MSTO1: variants seen among roughly 807,000 people sequenced by gnomAD.
MSTO1 encodes misato mitochondrial distribution and morphology regulator 1.
MSTO1 carries 24 observed loss-of-function variants against 55.7 expected under a neutral mutation model. The ratio of observed to expected loss-of-function variants is 0.43; its 90% confidence interval spans 0.31 to 0.61. The LOEUF (loss-of-function observed/expected upper bound fraction) is 0.61. MSTO1 is among the 20% of genes least tolerant of loss of function. The pLI, the probability that MSTO1 is intolerant of heterozygous loss-of-function variation, is 0.09. For missense variants in MSTO1, 363 were observed against 625.7 expected (o/e 0.58, Z 4.48); for synonymous variants, 162 against 252.8 (o/e 0.64, Z 3.41).
At chr1:155,587,915 C>T in the MSTO1 span, among the ~76,000 whole-genome samples, 1 of 150,948 alleles carries the variant, frequency 6.6e-6, no homozygotes, top group Non-Finnish European at 1.5e-5. Context: ...AAAATAACAA[C>T]TAGTTGCCAG....
In MSTO1 at chr1:155,612,975, G is replaced by A; in HGVS notation, c.1098G>A (p.Lys366=). 6.2e-7 allele frequency: 1 copy of A among 1,613,948 alleles called. No homozygotes were observed. The highest frequency in any genetic ancestry group is 8.5e-7 in the Non-Finnish European group (1 of 1,179,860). The change falls in exon 10 of 14, where the codon AAG becomes AAA. Residue 366 remains lysine (K), a splice_region_variant and synonymous_variant. Transcript: ENST00000245564. Reference sequence around the variant, plus strand: ...ACATGCTGAGCTTCTGTGGGAAAAAGGTATGAAGCTTTGTAAGGGGTTGGG... The same window carrying A: ...ACATGCTGAGCTTCTGTGGGAAAAAAGTATGAAGCTTTGTAAGGGGTTGGG... The part of the protein sequence containing the change: ...LADMLSFCGK[K]VVTAGAIIPF...
chr1:155,600,901 C>T, the MSTO1 span, among the ~76,000 whole-genome samples: 1 of 150,718 alleles, frequency 6.6e-6, no homozygotes, highest in Non-Finnish European at 1.5e-5. Context: ...TGGTCTCGAT[C>T]TCCTGATCTC....
chr1:155,574,638 C>T, the MSTO1 span, among the ~76,000 whole-genome samples: 1 of 152,136 alleles, frequency 6.6e-6, no homozygotes, highest in Non-Finnish European at 1.5e-5. Context: ...GCAATCCTAG[C>T]TCACTGCAAC....
At chr1:155,576,113 C>T in the MSTO1 span, among the ~76,000 whole-genome samples, 33 of 151,556 alleles carry the variant, frequency 2.2e-4, no homozygotes, top group Non-Finnish European at 4.1e-4. Flanking sequence ...TGAGCCACCC[C>T]GCCAGGCCCC....
At chr1:155,575,106 A>T in the MSTO1 span, among the ~76,000 whole-genome samples, 2 of 151,548 alleles carry the variant, frequency 1.3e-5, no homozygotes, top group African/African-American at 4.8e-5. Flanking sequence ...ACCTCGGGTG[A>T]TTCACTCGCC....
At chr1:155,600,041 G>C in the MSTO1 span, among the ~76,000 whole-genome samples, 1 of 152,192 alleles carries the variant, frequency 6.6e-6, no homozygotes, top group Non-Finnish European at 1.5e-5. Flanking sequence ...AACTGCAAGA[G>C]GCATGCCTTC....
the MSTO1 span, among the ~76,000 whole-genome samples, chr1:155,602,958 A>G: frequency 6.6e-6 from 1 of 152,182 alleles, no homozygotes; most frequent in Non-Finnish European, 1.5e-5. Flanking sequence ...GATATAAAGC[A>G]GAGTCACCTA....
upstream of MSTO1, among the ~76,000 whole-genome samples, chr1:155,607,689 A>G (rs1015679006): frequency 1.3e-5 from 2 of 152,236 alleles, no homozygotes; most frequent in African/African-American, 4.8e-5. Context: ...GAAACTTTTC[A>G]GCCCACATCA....
chr1:155,593,088 A>G, the MSTO1 span, among the ~76,000 whole-genome samples: 1 of 151,610 alleles, frequency 6.6e-6, no homozygotes, highest in Non-Finnish European at 1.5e-5. Context: ...ATTTTTTTGT[A>G]TTTTTAGTAG....
chr1:155,563,277 C>G, the MSTO1 span: 2 of 456,186 alleles, frequency 4.4e-6, no homozygotes, highest in East Asian at 6.9e-5. Context: ...TGGAGCTGGT[C>G]GCAGGCGGTG....
chr1:155,574,936 G>A, the MSTO1 span, among the ~76,000 whole-genome samples: 4 of 143,978 alleles, frequency 2.8e-5, no homozygotes, highest in East Asian at 2.0e-4. Flanking sequence ...GCACTATTTC[G>A]GCTCACTGCA....
chr1:155,610,096 G>A (rs114746848), upstream of MSTO1: 4,878 of 738,238 alleles, frequency 6.6e-3, 38 homozygotes, highest in Non-Finnish European at 8.0e-3. Flanking sequence ...GAGGTAGGAA[G>A]GGATCGGCGC....
chr1:155,577,015 CAAAAAAA>C, the MSTO1 span, among the ~76,000 whole-genome samples: 48 of 34,658 alleles, frequency 1.4e-3, no homozygotes, highest in African/African-American at 4.4e-3. Context: ...AACTCCGTCT[CAAAAAAA>C]AAAAAAAAAA....
chr1:155,567,216 C>G, the MSTO1 span, among the ~76,000 whole-genome samples: 1 of 151,560 alleles, frequency 6.6e-6, no homozygotes, highest in Non-Finnish European at 1.5e-5. Flanking sequence ...CTCTGCCTCC[C>G]GGGTTCAAGT....
rs139011201 is a variant in MSTO1, at chr1:155,612,881, C to T, written c.1004C>T (p.Thr335Ile). 4 of 1,613,950 alleles carry T rather than the reference C, an allele frequency of 2.5e-6. No homozygotes were observed. In the East Asian group the frequency reaches 6.7e-5, roughly 27 times the overall value. ...LPFHCSAILA[T>I]ALDTVTVPYR... is the part of the protein sequence containing the mutation. ...TTCCACTGCAGTGCCATCCTGGCTACAGCCCTGGACACAGTCACTGTTCCT... is the reference window on the plus strand; with the variant it reads ...TTCCACTGCAGTGCCATCCTGGCTATAGCCCTGGACACAGTCACTGTTCCT... Residue 335 changes from threonine (T) to isoleucine (I), a missense_variant, in exon 10 of 14, where the codon ACA becomes ATA. Thr to Ile is a moderately conservative substitution (Grantham distance 89, BLOSUM62 -1). This residue lies in a region of MSTO1 where 231 missense variants were observed against 286.9 expected (regional missense o/e 0.81). Transcript: ENST00000245564.
At chr1:155,609,558 TTAGAA>T (rs1319809390), upstream of MSTO1, among the ~76,000 whole-genome samples, 1 of 152,126 alleles carries the variant, frequency 6.6e-6, no homozygotes, top group Non-Finnish European at 1.5e-5. Context: ...TATTCTTTCT[TTAGAA>T]TAGATCAGTG....
the MSTO1 span, among the ~76,000 whole-genome samples, chr1:155,569,847 A>G: frequency 1.3e-5 from 2 of 152,106 alleles, 1 homozygote. Context: ...TTTGTATTAT[A>G]CCTACTGTTT....
In MSTO1 at chr1:155,614,064, G is replaced by A. The variant is rs1387576695; in HGVS notation, c.1504G>A (p.Glu502Lys). ...TGTTTCCTCTCCCTCCACAGCAGTGGAGAGCATCCCAGTGTTTGGGGCACT... is the reference window on the plus strand; with the variant it reads ...TGTTTCCTCTCCCTCCACAGCAGTGAAGAGCATCCCAGTGTTTGGGGCACT... ...LDGSPKGAAV[E>K]SIPVFGALCS... The change falls in exon 14 of 14, where the codon GAG becomes AAG. Residue 502 changes from glutamate (E) to lysine (K), a missense_variant. By Grantham distance (56) the Glu-to-Lys change is moderately conservative. This residue lies in a region of MSTO1 where 38 missense variants were observed against 126.4 expected (regional missense o/e 0.30). Coordinates refer to ENST00000245564, the MANE Select transcript of MSTO1 (RefSeq NM_018116.4). The A allele has an allele frequency of 6.9e-7, 1 of 1,450,194 alleles. No individual in the cohort carries two copies. The highest frequency in any genetic ancestry group is 2.6e-5 in the Admixed American group (1 of 39,014). 89.8% of individuals were successfully genotyped at this position (1,450,194 alleles called of 1,614,324 possible).
rs1256630555 is a variant in MSTO1, at chr1:155,612,212, G to A, written c.709G>A (p.Gly237Ser). Residue 237 changes from glycine to serine, a missense_variant, in exon 8 of 14, where the codon GGC becomes AGC. By Grantham distance (56) the Gly-to-Ser change is moderately conservative. Transcript: ENST00000245564. Reference protein sequence around the residue: ...GFQILCDLHDGFSGVGAKAAE... With the variant: ...GFQILCDLHDSFSGVGAKAAE... ...CCAGATCCTGTGTGACCTGCACGAT[G>A]GCTTCTCTGGGGTAGGCGCGAAGGC... is the stretch of plus-strand genomic sequence containing the variant. The A allele has an allele frequency of 3.1e-6, 5 of 1,612,494 alleles. No individual in the cohort carries two copies. The highest frequency in any genetic ancestry group is 2.7e-5 in the African/African-American group (2 of 74,966).
Sources: gnomAD v4.1 joint callset for allele counts (sites outside exome capture counted in the v4.1 genomes callset) on GRCh38, gnomAD v4.1.1 for gene constraint, gnomAD v4.1.1 regional missense constraint, MANE v1.5 for transcripts, NCBI Gene and HGNC (gene_info 2026-07-23, HGNC 2026-07-21) for gene names.